The following OVCH2 variants were observed in gnomAD, a reference collection of about 807,000 sequenced individuals.
The protein encoded by OVCH2 is ovochymase 2.
OVCH2 carries 88 observed loss-of-function variants against 73.7 expected under a neutral mutation model. The observed-to-expected ratio is 1.19, with a 90% CI of 1.01 to 1.43. The LOEUF (loss-of-function observed/expected upper bound fraction) is 1.43. Ranked by LOEUF, OVCH2 falls within the 40% of genes most tolerant of loss-of-function variation. OVCH2 has a pLI of 0.00. For missense variants in OVCH2, 706 were observed against 674.5 expected (o/e 1.05, Z -0.52); for synonymous variants, 265 against 234.5 (o/e 1.13, Z -1.19).
At chr11:7,688,474 C>T (rs1011448667), downstream of OVCH2, among the ~76,000 whole-genome samples, 1 of 152,096 alleles carries the variant, frequency 6.6e-6, no homozygotes, top group South Asian at 2.1e-4. Context: ...CCACACTTTA[C>T]AAAAATTTTT....
intron 6 of OVCH2, among the ~76,000 whole-genome samples, chr11:7,700,749 G>A (rs1404745109): frequency 6.6e-6 from 1 of 152,096 alleles, no homozygotes; most frequent in Non-Finnish European, 1.5e-5. Context: ...CTCCTCTCAT[G>A]CTGCAGACTC....
intron 4 of OVCH2, 125 bp downstream of exon 4, chr11:7,702,032 C>T (rs1856450349): frequency 7.5e-6 from 7 of 934,726 alleles, no homozygotes; most frequent in Non-Finnish European, 1.1e-5. Context: ...TCAGGTAGGA[C>T]TCTCCAGCCT....
At chr11:7,684,873 C>A (rs1001615462), downstream of OVCH2, among the ~76,000 whole-genome samples, 5 of 152,114 alleles carry the variant, frequency 3.3e-5, no homozygotes, top group African/African-American at 1.2e-4. Context: ...ATCTTAGCAT[C>A]TTAAGGGGGA....
rs34314441 is a variant in OVCH2, at chr11:7,694,803, C to CTTTTTTT, written c.1413+248_1413+254dup. Among the ~76,000 whole-genome samples, 61 of 108,374 alleles carry CTTTTTTT rather than the reference C, an allele frequency of 5.6e-4. 1 individual carries two copies. Among genetic ancestry groups the CTTTTTTT allele is most frequent in the African/African-American group, 2.1e-3 (59 of 27,582 alleles). 71.1% of individuals were successfully genotyped at this position (108,374 alleles called of 152,430 possible). Reference sequence around the variant, plus strand: ...ATTCAATACAAAGATTAAAGCGGCACTTTTTTTTTTTTTTTTTTTTTTTAA... The same window carrying CTTTTTTT: ...ATTCAATACAAAGATTAAAGCGGCACTTTTTTTTTTTTTTTTTTTTTTTTTTTTTTAA... On this transcript the variant is annotated intron_variant, in intron 12 of 15. Transcript: ENST00000533663.
At chr11:7,686,163 A>G (rs756113687), downstream of OVCH2, among the ~76,000 whole-genome samples, 3 of 152,212 alleles carry the variant, frequency 2.0e-5, no homozygotes, top group Non-Finnish European at 4.4e-5. Context: ...ACTCTGGTAG[A>G]AGGTTGCTGA....
chr11:7,685,114 T>C (rs1035847050), downstream of OVCH2, among the ~76,000 whole-genome samples: 21 of 152,278 alleles, frequency 1.4e-4, no homozygotes, highest in African/African-American at 5.1e-4. Context: ...TTGACACCCC[T>C]GGGTTTCCAG....
At chr11:7,692,318 CA>C (rs940024615) in intron 12 of OVCH2, among the ~76,000 whole-genome samples, 3 of 152,182 alleles carry the variant, frequency 2.0e-5, no homozygotes, top group African/African-American at 7.2e-5. Flanking sequence ...GCACTCAACT[CA>C]ACTAATTGCA....
At chr11:7,683,904 C>CT in the OVCH2 span, among the ~76,000 whole-genome samples, 12 of 151,798 alleles carry the variant, frequency 7.9e-5, no homozygotes, top group African/African-American at 2.9e-4. Context: ...TCTGACCATA[C>CT]TTTTTTTTAC....
At chr11:7,683,383 T>C in the OVCH2 span, among the ~76,000 whole-genome samples, 3 of 152,186 alleles carry the variant, frequency 2.0e-5, no homozygotes, top group Admixed American at 2.0e-4. Context: ...TCATATCCAA[T>C]ATATCAGGGG....
downstream of OVCH2, among the ~76,000 whole-genome samples, chr11:7,687,680 G>A (rs1263529979): frequency 6.6e-6 from 1 of 152,096 alleles, no homozygotes; most frequent in African/African-American, 2.4e-5. Flanking sequence ...ATTCTGTCCA[G>A]CATTTTTCAT....
Position 7,691,339 on chromosome 11 carries a change from G to A in OVCH2, c.1569C>T (p.Ile523=), listed in dbSNP as rs1369034918. ...PVLSPSSIML[I]SFQSDENGTC... The stretch of plus-strand genomic sequence containing the variant: ...TCCCGTTTTCATCTGATTGGAAGCT[G>A]ATGAGCATGATGCTGGAGGGGCTCA... Residue 523 remains isoleucine, a synonymous_variant, in exon 14 of 16, where the codon ATC becomes ATT. Transcript: ENST00000533663. The A allele has an allele frequency of 6.2e-7, 1 of 1,613,888 alleles. No individual in the cohort carries two copies. The highest frequency in any genetic ancestry group is 1.3e-5 in the African/African-American group (1 of 75,024).
intron 14 of OVCH2, 68 bp from the exon 15 acceptor site, chr11:7,690,081 A>T (rs1276206841): frequency 8.7e-7 from 1 of 1,145,778 alleles, no homozygotes; most frequent in African/African-American, 1.5e-5. Flanking sequence ...TTTATCAGAA[A>T]ATGATTTATG....
chr11:7,685,547 GGTTGTCT>G (rs1425448452), downstream of OVCH2, among the ~76,000 whole-genome samples: 1 of 150,750 alleles, frequency 6.6e-6, no homozygotes, highest in Admixed American at 6.6e-5. Context: ...ATTTTCCTTA[GGTTGTCT>G]TCCAGACCCA....
intron 4 of OVCH2, 90 bp from the exon 5 acceptor site, chr11:7,701,901 A>G (rs1856446849): frequency 8.8e-7 from 1 of 1,136,282 alleles, no homozygotes; most frequent in Non-Finnish European, 1.3e-6. Flanking sequence ...GTGGTCCCCT[A>G]AAGACCTCAT....
chr11:7,697,672 G>A (rs1014300949), intron 8 of OVCH2, among the ~76,000 whole-genome samples: 3 of 151,916 alleles, frequency 2.0e-5, no homozygotes, highest in Admixed American at 6.6e-5. Context: ...CTCCTTCTTC[G>A]TTACAACCTT....
In OVCH2 at chr11:7,691,331, T is replaced by C. The variant is rs754170658; in HGVS notation, c.1577A>G (p.Gln526Arg). The C allele has an allele frequency of 6.2e-7, 1 of 1,613,812 alleles. No homozygotes were observed. ...SPSSIMLISF[Q>R]SDENGTCRGF... ...CCTGCAGGTCCCGTTTTCATCTGAT[T>C]GGAAGCTGATGAGCATGATGCTGGA... Residue 526 changes from glutamine to arginine, a missense_variant, in exon 14 of 16, where the codon CAA becomes CGA. Physicochemically the swap from Gln to Arg is conservative, Grantham distance 43 (BLOSUM62 1). Transcript: ENST00000533663.
Position 7,702,138 on chromosome 11 carries a change from A to G in OVCH2, c.463+19T>C, listed in dbSNP as rs1589881189. On this transcript the variant is annotated intron_variant, in intron 4 of 15. Coordinates refer to ENST00000533663, the MANE Select transcript of OVCH2 (RefSeq NM_198185.7). ...GAGAACATGGGGTAGACAATTCAGT[A>G]TGATCCTCAAATGTTTACCAAATTG... The G allele has an allele frequency of 6.3e-7, 1 of 1,580,764 alleles. No individual in the cohort carries two copies. The highest frequency in any genetic ancestry group is 1.7e-5 in the Admixed American group (1 of 58,788).
At chr11:7,701,235 A>T in intron 6 of OVCH2, 89 bp downstream of exon 6, 2 of 1,440,390 alleles carry the variant, frequency 1.4e-6, no homozygotes, top group Non-Finnish European at 1.8e-6. Flanking sequence ...TAATTAAATT[A>T]AATTTCACTG....
rs1417156018 is a variant in OVCH2, at chr11:7,690,026, A to G, written c.1640-13T>C. 6.8e-7 allele frequency: 1 copy of G among 1,473,326 alleles called. No individual in the cohort carries two copies. The highest frequency in any genetic ancestry group is 9.2e-7 in the Non-Finnish European group (1 of 1,091,018). 91.3% of individuals were successfully genotyped at this position (1,473,326 alleles called of 1,614,324 possible). On this transcript the variant is annotated splice_polypyrimidine_tract_variant and intron_variant, in intron 14 of 15. Transcript: ENST00000533663. The stretch of plus-strand genomic sequence containing the variant: ...AAATCTGGGTATACTGGGTATAAGT[A>G]TGATACAATTACTCAGTTTCCACAA...
Sources: allele counts gnomAD v4.1 joint callset (sites outside exome capture counted in the v4.1 genomes callset), GRCh38; gene constraint gnomAD v4.1.1; transcripts MANE v1.5; gene names NCBI Gene and HGNC (gene_info 2026-07-23, HGNC 2026-07-21).